The following METTL4 variants were observed in gnomAD, a reference collection of about 807,000 sequenced individuals.
The protein encoded by METTL4 is methyltransferase 4, N6-adenosine.
METTL4 carries 40 observed loss-of-function variants against 54.0 expected under a neutral mutation model. That is an observed-to-expected ratio of 0.74 (90% CI 0.58 to 0.96). The LOEUF (loss-of-function observed/expected upper bound fraction) is 0.96. Ranked by LOEUF, METTL4 falls within the 50% of genes least tolerant of loss-of-function variation. The pLI, the probability that METTL4 is intolerant of heterozygous loss-of-function variation, is 0.00. For missense variants in METTL4, 525 were observed against 549.0 expected (o/e 0.96, Z 0.44); for synonymous variants, 169 against 183.8 (o/e 0.92, Z 0.65).
intron 3 of METTL4, among the ~76,000 whole-genome samples, chr18:2,555,814 TGGTTG>T (rs1003308413): frequency 6.6e-6 from 1 of 150,976 alleles, no homozygotes; most frequent in Admixed American, 6.6e-5. Flanking sequence ...GTTGGTTGGT[TGGTTG>T]GTTGGTTGGA....
At chr18:2,554,388 T>A in intron 4 of METTL4, 1 of 298,514 alleles carries the variant, frequency 3.3e-6, no homozygotes, top group Non-Finnish European at 6.1e-6. Context: ...AAAAAGTGAT[T>A]TGGTTAAACA....
At chr18:2,569,187 A>C (rs1229637070) in intron 1 of METTL4, 2 of 152,870 alleles carry the variant, frequency 1.3e-5, no homozygotes, top group East Asian at 1.9e-4. Context: ...TTCATTTTCA[A>C]CAGTAGTAAA....
At chr18:2,547,262 C>T (rs1013765361) in intron 6 of METTL4, 93 bp downstream of exon 6, 3 of 995,248 alleles carry the variant, frequency 3.0e-6, no homozygotes, top group Admixed American at 2.8e-5. Flanking sequence ...TGAAGGAGTA[C>T]AGCAGTGACA....
chr18:2,540,174 AAC>A (rs1008746747), intron 8 of METTL4: 28 of 985,292 alleles, frequency 2.8e-5, no homozygotes, highest in Middle Eastern at 1.0e-3. Context: ...AGAAAAGAAG[AAC>A]ACAGAAACTT....
intron 8 of METTL4, 146 bp downstream of exon 8, chr18:2,544,049 A>G: frequency 1.9e-6 from 1 of 535,444 alleles, no homozygotes; most frequent in Non-Finnish European, 3.2e-6. Flanking sequence ...AAATTCTGCT[A>G]TGAATTCTGC....
chr18:2,544,862 T>C, intron 6 of METTL4, 103 bp from the exon 7 acceptor site: 2 of 644,240 alleles, frequency 3.1e-6, no homozygotes, highest in Non-Finnish European at 2.6e-6. Flanking sequence ...TGATATTCAG[T>C]AAAAATACTA....
chr18:2,568,971 G>T, intron 1 of METTL4: 1 of 221,990 alleles, frequency 4.5e-6, no homozygotes, highest in South Asian at 8.1e-5. Flanking sequence ...TATTCTAAAG[G>T]AGTGGTGGAC....
intron 8 of METTL4, chr18:2,540,970 G>T: frequency 2.1e-6 from 2 of 950,010 alleles, no homozygotes; most frequent in Non-Finnish European, 2.5e-6. Flanking sequence ...GAATATCCAT[G>T]TTTTATGAGA....
intron 4 of METTL4, 85 bp downstream of exon 4, chr18:2,554,584 C>G (rs2072208936): frequency 8.2e-7 from 1 of 1,225,698 alleles, no homozygotes; most frequent in Non-Finnish European, 1.2e-6. Flanking sequence ...AATGCTGACC[C>G]ATCTTCAAAT....
chr18:2,547,899 G>A (rs116139951), intron 5 of METTL4, among the ~76,000 whole-genome samples: 1 of 152,046 alleles, frequency 6.6e-6, no homozygotes, highest in Non-Finnish European at 1.5e-5. Context: ...GTCTTGAAAC[G>A]AGTCTCTCAA....
intron 2 of METTL4, among the ~76,000 whole-genome samples, chr18:2,566,061 ATAAATAAATAAAT>A (rs2072411399): frequency 6.9e-6 from 1 of 145,096 alleles, no homozygotes; most frequent in African/African-American, 2.6e-5. Context: ...AAATAAATAA[ATAAATAAATAAAT>A]AAATAAATAA....
chr18:2,539,015 C>G lies in METTL4; in HGVS notation c.1404G>C (p.Val468=). The change falls in exon 9 of 9, where the codon GTG becomes GTC. Residue 468 remains valine (V), a synonymous_variant. Coordinates refer to ENST00000574538, the MANE Select transcript of METTL4 (RefSeq NM_022840.5). The stretch of plus-strand genomic sequence containing the variant: ...AAGATCATAGTCAGCTTCCAGACTC[C>G]ACAGCAATAAAATAATCCACATGCT... ...KFQHVDYFIA[V]ESGS is the part of the protein sequence containing the mutation. 6.2e-7 allele frequency: 1 copy of G among 1,613,778 alleles called. No individual in the cohort carries two copies. The highest frequency in any genetic ancestry group is 8.5e-7 in the Non-Finnish European group (1 of 1,179,874).
At chr18:2,542,005 C>T (rs2071999054) in intron 8 of METTL4, among the ~76,000 whole-genome samples, 1 of 151,966 alleles carries the variant, frequency 6.6e-6, no homozygotes, top group Non-Finnish European at 1.5e-5. Context: ...TAAAATATTA[C>T]AATATTTCCT....
intron 8 of METTL4, among the ~76,000 whole-genome samples, chr18:2,542,737 A>T (rs2072011560): frequency 6.6e-6 from 1 of 152,168 alleles, no homozygotes; most frequent in Non-Finnish European, 1.5e-5. Context: ...AGTCCGAAGC[A>T]TAAGGCAATC....
chr18:2,567,826 C>A (rs2072444057), intron 1 of METTL4, among the ~76,000 whole-genome samples, 172 bp from the exon 2 acceptor site: 1 of 152,172 alleles, frequency 6.6e-6, no homozygotes, highest in African/African-American at 2.4e-5. Flanking sequence ...ATCATCTTCC[C>A]TACTTAATCA....
chr18:2,564,896 T>TG (rs1373021164), intron 2 of METTL4, among the ~76,000 whole-genome samples: 10 of 152,230 alleles, frequency 6.6e-5, no homozygotes, highest in Admixed American at 6.5e-4. Context: ...CTGAATTACT[T>TG]ATATTACAAC....
intron 2 of METTL4, among the ~76,000 whole-genome samples, chr18:2,566,392 TCTCTA>T (rs2072418884): frequency 6.6e-6 from 1 of 152,174 alleles, no homozygotes; most frequent in East Asian, 1.9e-4. Flanking sequence ...AAGGGATAGC[TCTCTA>T]AAAACCTCCG....
At chr18:2,543,769 C>T (rs769804160) in intron 8 of METTL4, among the ~76,000 whole-genome samples, 4 of 152,178 alleles carry the variant, frequency 2.6e-5, no homozygotes, top group African/African-American at 7.2e-5. Context: ...TTTAAAAAAA[C>T]GTAAAACTGA....
chr18:2,542,617 T>C (rs936197109), intron 8 of METTL4, among the ~76,000 whole-genome samples: 3 of 152,108 alleles, frequency 2.0e-5, no homozygotes, highest in Non-Finnish European at 2.9e-5. Context: ...GGAATACATA[T>C]ACATATATAA....
Sources: gnomAD v4.1 joint callset for allele counts (sites outside exome capture counted in the v4.1 genomes callset) on GRCh38, gnomAD v4.1.1 for gene constraint, MANE v1.5 for transcripts, NCBI Gene and HGNC (gene_info 2026-07-23, HGNC 2026-07-21) for gene names.